Variants in SPC24 observed in about 807,000 individuals in gnomAD.
SPC24 encodes the protein SPC24 component of NDC80 kinetochore complex, also known as kinetochore protein Spc24.
SPC24 carries 31 observed loss-of-function variants against 27.6 expected under a neutral mutation model. The ratio of observed to expected loss-of-function variants is 1.12; its 90% CI spans 0.84 to 1.52. The LOEUF (loss-of-function observed/expected upper bound fraction) is 1.52. Among genes scored for constraint, SPC24 ranks in the 40% most tolerant of loss-of-function variants. SPC24 has a pLI of 0.00. For missense variants in SPC24, 284 were observed against 252.5 expected, an observed-to-expected ratio of 1.12 and a Z score of -0.84; for synonymous variants, 105 against 105.8, an observed-to-expected ratio of 0.99 and a Z score of 0.05.
chr19:11,153,374 G>A (rs143988399), intron 1 of SPC24, among the ~76,000 whole-genome samples: 1,674 of 151,784 alleles, frequency 0.011, 15 homozygotes, highest in Middle Eastern at 0.02. Context: ...GTGTGAACCC[G>A]GGAGACGGAG....
intron 2 of SPC24, 32 bp from the exon 3 acceptor site, chr19:11,148,149 G>A (rs201353655): frequency 9.9e-5 from 148 of 1,498,958 alleles, no homozygotes; most frequent in Non-Finnish European, 2.1e-5. Context: ...CCCGGCTTTC[G>A]AGAGAGGGCT....
At chr19:11,148,954 C>T in intron 2 of SPC24, 140 bp downstream of exon 2, 1 of 791,560 alleles carries the variant, frequency 1.3e-6, no homozygotes, top group South Asian at 2.5e-5. Context: ...TCTCTGTTGT[C>T]CAGGCTGGTC....
intron 1 of SPC24, among the ~76,000 whole-genome samples, chr19:11,154,060 C>A (rs949160125): frequency 8.2e-6 from 1 of 122,300 alleles, no homozygotes; most frequent in African/African-American, 3.2e-5. Context: ...GGTGACAGAG[C>A]AAGACTCCGT....
In SPC24 at chr19:11,147,370, T is replaced by A; in HGVS notation, c.488-81A>T. 2.0e-6 allele frequency: 2 copies of A among 976,558 alleles called. 1 individual carries two copies. Among genetic ancestry groups the A allele is most frequent in the Admixed American group, 5.5e-5 (2 of 36,282 alleles). The allele number at this position is 976,558 out of a possible 1,614,324, so 60.5% of individuals were successfully genotyped here. A position where few individuals can be genotyped will look rare whatever the true frequency, so the allele number is the denominator to read the frequency against. On this transcript the variant is annotated intron_variant, in intron 4 of 4. Coordinates refer to ENST00000592540, the MANE Select transcript of SPC24 (RefSeq NM_182513.4). ...GGGGAAAAGGATACTGCCTTTACTTTTTTTTTTTGAGACAAAGTTTCATTC... is the reference window on the plus strand; with the variant it reads ...GGGGAAAAGGATACTGCCTTTACTTATTTTTTTTGAGACAAAGTTTCATTC...
At chr19:11,151,623 G>A (rs954736999) in intron 1 of SPC24, among the ~76,000 whole-genome samples, 5 of 151,532 alleles carry the variant, frequency 3.3e-5, no homozygotes, top group Admixed American at 6.6e-5. Context: ...TTTTTTTGGG[G>A]GGGGGGGATG....
chr19:11,154,289 C>A (rs1188879337), intron 1 of SPC24, among the ~76,000 whole-genome samples: 8 of 152,158 alleles, frequency 5.3e-5, no homozygotes, highest in Admixed American at 3.9e-4. Flanking sequence ...CCTGTCATCC[C>A]AGCACTTTGG....
chr19:11,150,810 A>G (rs1379669679), intron 1 of SPC24, among the ~76,000 whole-genome samples: 2 of 151,690 alleles, frequency 1.3e-5, no homozygotes, highest in African/African-American at 4.8e-5. Flanking sequence ...AAAGCAAACC[A>G]AAATAAAACA....
intron 2 of SPC24, 66 bp from the exon 3 acceptor site, chr19:11,148,183 G>T: frequency 9.4e-7 from 1 of 1,064,082 alleles, no homozygotes; most frequent in East Asian, 2.5e-5. Context: ...CTGCAGCTGG[G>T]AGGCCCAGGG....
At chr19:11,155,058 C>T (rs1024559679) in intron 1 of SPC24, among the ~76,000 whole-genome samples, 4 of 152,088 alleles carry the variant, frequency 2.6e-5, no homozygotes, top group African/African-American at 9.7e-5. Flanking sequence ...CGGTGGCAAG[C>T]GCCTGTAATC....
At chr19:11,149,414 T>G in intron 1 of SPC24, 176 bp from the exon 2 acceptor site, 1 of 460,070 alleles carries the variant, frequency 2.2e-6, no homozygotes, top group Non-Finnish European at 3.7e-6. Flanking sequence ...CACATTTAAA[T>G]ACACTAAAAA....
At chr19:11,149,468 G>T in intron 1 of SPC24, 1 of 329,564 alleles carries the variant, frequency 3.0e-6, no homozygotes, top group Middle Eastern at 3.9e-4. Flanking sequence ...CAAAATAGTT[G>T]GCCAGGCATG....
At chr19:11,150,308 G>C (rs2077861090) in intron 1 of SPC24, among the ~76,000 whole-genome samples, 1 of 151,304 alleles carries the variant, frequency 6.6e-6, no homozygotes, top group South Asian at 2.1e-4. Context: ...CCAACATGGA[G>C]AAACCCCATC....
At position 11,155,771 on chromosome 19, in the gene SPC24, G is replaced by T; in HGVS notation, c.6C>A (p.Ala2=). The T allele has an allele frequency of 6.5e-7, 1 of 1,538,512 alleles. No individual in the cohort carries two copies. The highest frequency in any genetic ancestry group is 1.4e-5 in the African/African-American group (1 of 71,940). The change falls in exon 1 of 5, where the codon GCC becomes GCA. Residue 2 remains alanine (A), a synonymous_variant. Transcript: ENST00000592540. M[A]AFRDIEEVSQ... ...TCACCTCCTCTATGTCGCGGAAGGCGGCCATGACTACGCCAGGCTCCAACC... is the reference window on the plus strand; with the variant it reads ...TCACCTCCTCTATGTCGCGGAAGGCTGCCATGACTACGCCAGGCTCCAACC...
chr19:11,150,698 A>C (rs1335045724), intron 1 of SPC24, among the ~76,000 whole-genome samples: 1 of 152,074 alleles, frequency 6.6e-6, no homozygotes, highest in East Asian at 1.9e-4. Context: ...TGGGAGGATC[A>C]CCTGAACCAG....
In SPC24 at chr19:11,147,181, G is replaced by A; in HGVS notation, c.*2C>T. ...TGCAAGACGCAGCCACGAGGCTCCT[G>A]GCTACCACTCGGTGTCCACCAGACT... On this transcript the variant is annotated 3_prime_UTR_variant, in exon 5 of 5. Coordinates refer to ENST00000592540, the MANE Select transcript of SPC24 (RefSeq NM_182513.4). The A allele has an allele frequency of 6.5e-7, 1 of 1,549,418 alleles. No individual in the cohort carries two copies. Among genetic ancestry groups the A allele is most frequent in the Non-Finnish European group, 8.7e-7 (1 of 1,145,336 alleles).
chr19:11,147,308 G>A lies in SPC24; in HGVS notation c.488-19C>T. The A allele has an allele frequency of 7.9e-6, 12 of 1,523,366 alleles. No individual in the cohort carries two copies. Among genetic ancestry groups the A allele is most frequent in the Non-Finnish European group, 9.8e-6 (11 of 1,121,930 alleles). 94.4% of individuals were successfully genotyped at this position (1,523,366 alleles called of 1,614,324 possible). A position where few individuals can be genotyped will look rare whatever the true frequency, so the allele number is the denominator to read the frequency against. On this transcript the variant is annotated intron_variant, in intron 4 of 4. Transcript: ENST00000592540. ...TGATGGACTGAGGCACAGATGTAAG[G>A]AAAGCCCGGGACACACAGCCCCTCA...
chr19:11,152,232 G>A (rs947026344), intron 1 of SPC24, among the ~76,000 whole-genome samples: 1 of 150,312 alleles, frequency 6.7e-6, no homozygotes, highest in East Asian at 2.0e-4. Context: ...ATTTTTTTGA[G>A]ACAGTCTTGC....
intron 1 of SPC24, among the ~76,000 whole-genome samples, chr19:11,151,553 T>C (rs111282584): frequency 0.011 from 1,725 of 151,812 alleles, 14 homozygotes; most frequent in Middle Eastern, 0.021. Flanking sequence ...CTCTACCCCA[T>C]GGCTGTTCAT....
At chr19:11,148,843 C>T (rs956641780) in intron 2 of SPC24, among the ~76,000 whole-genome samples, 2 of 151,170 alleles carry the variant, frequency 1.3e-5, no homozygotes, top group Non-Finnish European at 2.9e-5. Context: ...GTCTCGATCT[C>T]CTGACCTCGT....
Sources: allele counts gnomAD v4.1 joint callset (sites outside exome capture counted in the v4.1 genomes callset), GRCh38; gene constraint gnomAD v4.1.1; transcripts MANE v1.5; gene names NCBI Gene and HGNC (gene_info 2026-07-23, HGNC 2026-07-21).